SYT10: variants seen among roughly 807,000 people sequenced by gnomAD.
The protein encoded by SYT10 is synaptotagmin 10.
Under a neutral mutation model 51.1 loss-of-function variants are expected in SYT10, and 31 were observed. The observed-to-expected ratio is 0.61, with a 90% CI of 0.46 to 0.82. The LOEUF (loss-of-function observed/expected upper bound fraction) is 0.82, where lower values mean the gene tolerates loss of function less well. Ranked by LOEUF, SYT10 falls within the 40% of genes least tolerant of loss-of-function variation. The pLI is 0.00. For missense variants in SYT10, 603 were observed against 634.0 expected (o/e 0.95, Z 0.53); for synonymous variants, 233 against 225.9 (o/e 1.03, Z -0.28).
intron 1 of SYT10, among the ~76,000 whole-genome samples, chr12:33,436,978 T>C (rs1565501490): frequency 6.6e-6 from 1 of 152,166 alleles, no homozygotes. Flanking sequence ...ATAACAAGCA[T>C]GAGAGCACAA....
At chr12:33,382,201 A>AT (rs1866120984) in intron 5 of SYT10, 148 bp downstream of exon 5, 1 of 815,504 alleles carries the variant, frequency 1.2e-6, no homozygotes, top group Admixed American at 3.8e-5. Flanking sequence ...GAACTATAAC[A>AT]CAGAAAACAA....
At chr12:33,385,351 A>C in intron 3 of SYT10, 60 bp from the exon 4 acceptor site, 2 of 1,588,864 alleles carry the variant, frequency 1.3e-6, no homozygotes, top group Non-Finnish European at 1.7e-6. Flanking sequence ...ACCAAAAATA[A>C]TCATTTTAGT....
intron 3 of SYT10, among the ~76,000 whole-genome samples, chr12:33,399,284 A>T (rs1037751457): frequency 6.6e-6 from 1 of 152,196 alleles, no homozygotes; most frequent in Admixed American, 6.5e-5. Context: ...CTTACCCAGC[A>T]ACTCTAGATT....
intron 1 of SYT10, among the ~76,000 whole-genome samples, chr12:33,437,992 T>C (rs1866651552): frequency 6.6e-6 from 1 of 152,044 alleles, no homozygotes; most frequent in Non-Finnish European, 1.5e-5. Context: ...ATCTTCAAGC[T>C]CTGCCAAGTG....
In SYT10 at chr12:33,390,615, T is replaced by C. The variant is rs568384353; in HGVS notation, c.1078-5324A>G. Among the ~76,000 whole-genome samples, 15 of 152,268 alleles carry C rather than the reference T, an allele frequency of 9.9e-5. No homozygotes were observed. The South Asian group carries it at 3.1e-3, about 32-fold the overall frequency. On this transcript the variant is annotated intron_variant, in intron 3 of 6. Transcript: ENST00000228567. The stretch of plus-strand genomic sequence containing the variant: ...ATTTGCAAGGTAGATAGCAAACATG[T>C]AAAGTGCCTGGTGTAAACATATATA...
At chr12:33,393,843 A>G (rs950924597) in intron 3 of SYT10, among the ~76,000 whole-genome samples, 3 of 152,122 alleles carry the variant, frequency 2.0e-5, no homozygotes, top group African/African-American at 7.2e-5. Context: ...GCCCTGCCTC[A>G]TGTTTCATAT....
intron 3 of SYT10, among the ~76,000 whole-genome samples, chr12:33,403,626 G>A (rs1349374003): frequency 7.9e-5 from 12 of 152,038 alleles, no homozygotes; most frequent in Admixed American, 2.0e-4. Flanking sequence ...GTAGGTTTCC[G>A]CAGGACTTAA....
At chr12:33,433,621 C>A (rs115792287) in intron 1 of SYT10, among the ~76,000 whole-genome samples, 1 of 152,112 alleles carries the variant, frequency 6.6e-6, no homozygotes, top group South Asian at 2.1e-4. Flanking sequence ...ATGTAAACAC[C>A]TACTCGTGTA....
chr12:33,421,664 A>G (rs1264804200), intron 2 of SYT10, among the ~76,000 whole-genome samples: 1 of 152,166 alleles, frequency 6.6e-6, no homozygotes, highest in African/African-American at 2.4e-5. Context: ...AGGGCATAAA[A>G]GTGGGTTACA....
At chr12:33,412,581 G>A (rs1866416041) in intron 2 of SYT10, among the ~76,000 whole-genome samples, 1 of 151,982 alleles carries the variant, frequency 6.6e-6, no homozygotes, top group Middle Eastern at 3.2e-3. Flanking sequence ...GAAAGTAATG[G>A]TAAAAACCGC....
At chr12:33,410,880 A>C (rs1171457506) in intron 2 of SYT10, among the ~76,000 whole-genome samples, 1 of 152,186 alleles carries the variant, frequency 6.6e-6, no homozygotes. Context: ...TCACAATAAA[A>C]AGTTAGGATG....
chr12:33,419,714 T>A lies in SYT10; in HGVS notation c.509+6424A>T, dbSNP rs1866484658. Among the ~76,000 whole-genome samples the A allele has an allele frequency of 2.0e-5, 3 of 151,444 alleles. No individual in the cohort carries two copies. The South Asian group carries it at 6.3e-4, about 32-fold the overall frequency. On this transcript the variant is annotated intron_variant, in intron 2 of 6. Transcript: ENST00000228567. ...ACATAAACACCATAAAAAGAGATGA[T>A]AAGCAATTGCTTTTGATCTAGCATA...
rs533396926 is a variant in SYT10 at position 33,418,205 on chromosome 12, CTCT to C, written c.509+7930_509+7932del. Among the ~76,000 whole-genome samples, 14 of 152,234 alleles carry C rather than the reference CTCT, an allele frequency of 9.2e-5. 1 individual carries two copies. The highest frequency in any genetic ancestry group is 3.4e-4 in the African/African-American group (14 of 41,542). On this transcript the variant is annotated intron_variant, in intron 2 of 6. Coordinates refer to ENST00000228567, the MANE Select transcript of SYT10 (RefSeq NM_198992.4). ...CATCCCACCCGGGCTTAGCACACTCCTCTGACAGCTACTCTCTCCTGGGAGCTT... is the reference window on the plus strand; with the variant it reads ...CATCCCACCCGGGCTTAGCACACTCCGACAGCTACTCTCTCCTGGGAGCTT...
At chr12:33,387,258 A>C (rs150273718) in intron 3 of SYT10, among the ~76,000 whole-genome samples, 1 of 152,240 alleles carries the variant, frequency 6.6e-6, no homozygotes, top group East Asian at 1.9e-4. Context: ...AAACTAATTA[A>C]ATTTGTGTTT....
At chr12:33,417,372 C>T (rs1448840646) in intron 2 of SYT10, among the ~76,000 whole-genome samples, 2 of 152,118 alleles carry the variant, frequency 1.3e-5, no homozygotes, top group African/African-American at 2.4e-5. Context: ...GCATACTCTG[C>T]CCCTTTGCCT....
chr12:33,431,089 G>A (rs1195421867), intron 1 of SYT10, among the ~76,000 whole-genome samples: 3 of 152,092 alleles, frequency 2.0e-5, no homozygotes, highest in African/African-American at 7.2e-5. Context: ...AAAGGTCTTT[G>A]CTTCTCTTTG....
chr12:33,379,922 T>C lies in SYT10; in HGVS notation c.1410A>G (p.Gly470=). ...CTCGCCCAAGACCCTCAGCATCCAG[T>C]CCTGTTCTGCACACTCCTATGACCT... is the stretch of plus-strand genomic sequence containing the variant. ...HNEVIGVCRT[G]LDAEGLGRDH... The change falls in exon 6 of 7, where the codon GGA becomes GGG. Residue 470 remains glycine (G), a synonymous_variant. Transcript: ENST00000228567. 1 of 1,613,956 alleles carries C rather than the reference T, an allele frequency of 6.2e-7. No homozygotes were observed. Among genetic ancestry groups the C allele is most frequent in the Non-Finnish European group, 8.5e-7 (1 of 1,179,898 alleles).
intron 2 of SYT10, among the ~76,000 whole-genome samples, chr12:33,418,243 C>G (rs944276568): frequency 2.6e-5 from 4 of 152,132 alleles, no homozygotes; most frequent in African/African-American, 7.2e-5. Context: ...TACTTACTCT[C>G]CTCACTTGGC....
chr12:33,424,539 C>G (rs2138431023), intron 2 of SYT10, among the ~76,000 whole-genome samples: 1 of 152,080 alleles, frequency 6.6e-6, no homozygotes, highest in African/African-American at 2.4e-5. Flanking sequence ...TCATATGTGG[C>G]CAAAGTTTTC....
Sources: allele counts gnomAD v4.1 joint callset (sites outside exome capture counted in the v4.1 genomes callset), GRCh38; gene constraint gnomAD v4.1.1; transcripts MANE v1.5; gene names NCBI Gene and HGNC (gene_info 2026-07-23, HGNC 2026-07-21).